The following SSBP3 variants were observed in gnomAD, a reference collection of about 807,000 sequenced individuals.
The protein encoded by SSBP3 is single stranded DNA binding protein 3, also known as single-stranded DNA-binding protein 3.
A neutral mutation model predicts 69.6 loss-of-function variants in SSBP3; 5 were observed. The observed-to-expected ratio is 0.07, with a 90% CI of 0.04 to 0.15. The LOEUF (loss-of-function observed/expected upper bound fraction) is 0.15, where lower values mean the gene tolerates loss of function less well. SSBP3 is among the 10% of genes least tolerant of loss of function. The pLI is 1.00. For missense variants in SSBP3, 312 were observed against 534.0 expected, an observed-to-expected ratio of 0.58 and a Z score of 4.10; for synonymous variants, 196 against 193.4, an observed-to-expected ratio of 1.01 and a Z score of -0.11.
chr1:54,308,417 T>G (rs1385166534), intron 4 of SSBP3, among the ~76,000 whole-genome samples: 1 of 151,696 alleles, frequency 6.6e-6, no homozygotes, highest in African/African-American at 2.4e-5. Flanking sequence ...CTGGCTAACA[T>G]GGTGAAACCC....
At chr1:54,286,780 C>T (rs1645497634) in intron 4 of SSBP3, 1 of 152,226 alleles carries the variant, frequency 6.6e-6, no homozygotes, top group Admixed American at 6.5e-5. Flanking sequence ...CCTTGGAAGC[C>T]AGGCTAAGGA....
At chr1:54,321,660 T>C (rs971555486) in intron 4 of SSBP3, among the ~76,000 whole-genome samples, 2 of 152,224 alleles carry the variant, frequency 1.3e-5, no homozygotes, top group African/African-American at 4.8e-5. Flanking sequence ...AAACGAAGAA[T>C]GCACGCACAG....
At chr1:54,318,012 C>T (rs1292215246) in intron 4 of SSBP3, among the ~76,000 whole-genome samples, 1 of 152,212 alleles carries the variant, frequency 6.6e-6, no homozygotes, top group Non-Finnish European at 1.5e-5. Context: ...AGGTGATCCA[C>T]CTGCTTTGGC....
rs187700070 is a variant in SSBP3, at chr1:54,297,428, G to A, written c.277-15901C>T. 2.6e-4 allele frequency among the ~76,000 whole-genome samples: 40 copies of A among 152,288 alleles called. 1 individual carries two copies. The East Asian group carries it at 6.8e-3, about 26-fold the overall frequency. ...GCGGATCACTTGAGGTCAGGAATTC[G>A]AGACCAGCCTGGCCAACATGGTGAA... On this transcript the variant is annotated intron_variant, in intron 4 of 17. Transcript: ENST00000610401.
exon 1 of SSBP3, chr1:54,406,386 CGCT>C (rs1421135678): frequency 2.1e-4 from 33 of 154,520 alleles, no homozygotes; most frequent in East Asian, 3.8e-4. Flanking sequence ...CCGCCGCCGC[CGCT>C]GGTCTACTTG....
Position 54,383,095 on chromosome 1 carries a change from T to A in SSBP3, c.276+18766A>T, listed in dbSNP as rs576234639. ...AGAAAGAAAAGAAAGAAGCCCCAGC[T>A]GGGCACAGTGGCTCATGCCTGTAAT... On this transcript the variant is annotated intron_variant, in intron 4 of 17. Coordinates refer to ENST00000610401, the Ensembl canonical transcript of SSBP3. Among the ~76,000 whole-genome samples, 12 of 150,204 alleles carry A rather than the reference T, an allele frequency of 8.0e-5. No homozygotes were observed. The East Asian group carries it at 1.4e-3, about 18-fold the overall frequency.
intron 9 of SSBP3, among the ~76,000 whole-genome samples, chr1:54,243,790 G>A (rs1037125308): frequency 2.0e-5 from 3 of 152,168 alleles, no homozygotes; most frequent in South Asian, 2.1e-4. Flanking sequence ...ATACAGACAC[G>A]CCAACCTGCC....
At chr1:54,298,503 G>A (rs918366469) in intron 4 of SSBP3, among the ~76,000 whole-genome samples, 7 of 152,164 alleles carry the variant, frequency 4.6e-5, no homozygotes, top group African/African-American at 1.7e-4. Flanking sequence ...TTATCAGTGT[G>A]CAGTGCCAGA....
intron 4 of SSBP3, chr1:54,286,316 A>G (rs1645489179): frequency 6.6e-6 from 1 of 152,210 alleles, no homozygotes; most frequent in Non-Finnish European, 1.5e-5. Flanking sequence ...AATAAAGCTA[A>G]TTTAAAATTC....
intron 13 of SSBP3, among the ~76,000 whole-genome samples, chr1:54,240,046 G>C (rs898025150): frequency 2.7e-5 from 1 of 36,874 alleles, no homozygotes; most frequent in African/African-American, 1.1e-4. Flanking sequence ...AATTGTGATG[G>C]GGTGTGTGTG....
intron 14 of SSBP3, among the ~76,000 whole-genome samples, chr1:54,233,334 C>T (rs1383694882): frequency 6.9e-6 from 1 of 145,554 alleles, no homozygotes; most frequent in Non-Finnish European, 1.5e-5. Flanking sequence ...AGGTGAGGAG[C>T]GTCTCTGCCC....
At chr1:54,411,174 C>T (rs1465324099), upstream of SSBP3, among the ~76,000 whole-genome samples, 1 of 152,126 alleles carries the variant, frequency 6.6e-6, no homozygotes, top group Non-Finnish European at 1.5e-5. Context: ...CTACCTATTT[C>T]CTTCATAAGA....
intron 7 of SSBP3, among the ~76,000 whole-genome samples, chr1:54,253,433 C>A (rs1353138148): frequency 6.6e-6 from 1 of 152,006 alleles, no homozygotes; most frequent in East Asian, 1.9e-4. Flanking sequence ...CTCAAGTGAT[C>A]CTCCTGCCTC....
chr1:54,307,227 C>T (rs1645917232), intron 4 of SSBP3, among the ~76,000 whole-genome samples: 1 of 152,034 alleles, frequency 6.6e-6, no homozygotes, highest in African/African-American at 2.4e-5. Context: ...TATGGTCACG[C>T]CCCCACTATG....
intron 4 of SSBP3, among the ~76,000 whole-genome samples, chr1:54,335,083 G>GAC (rs2100481818): frequency 6.6e-6 from 1 of 152,288 alleles, no homozygotes; most frequent in Non-Finnish European, 1.5e-5. Flanking sequence ...GAACTAAGGT[G>GAC]ACAGCCACAG....
intron 1 of SSBP3, among the ~76,000 whole-genome samples, 171 bp from the exon 2 acceptor site, chr1:54,405,101 T>C (rs973109572): frequency 7.2e-5 from 11 of 152,020 alleles, no homozygotes; most frequent in South Asian, 2.1e-4. Flanking sequence ...TGCGAACAGT[T>C]AGGGGGTGGG....
intron 4 of SSBP3, among the ~76,000 whole-genome samples, chr1:54,369,218 C>CGA (rs1553146699): frequency 4.8e-5 from 6 of 124,690 alleles, no homozygotes; most frequent in African/African-American, 1.7e-4. Context: ...CCTCTTGAGT[C>CGA]GGGGGGGGGG....
At chr1:54,325,551 C>T (rs748438550) in intron 4 of SSBP3, 1 of 166,196 alleles carries the variant, frequency 6.0e-6, no homozygotes, top group Non-Finnish European at 1.5e-5. Context: ...AGATGAAATA[C>T]TCCCTTATTT....
At chr1:54,227,654 AG>A (rs1644310661) in intron 17 of SSBP3, among the ~76,000 whole-genome samples, 1 of 152,100 alleles carries the variant, frequency 6.6e-6, no homozygotes. Context: ...CAAGGCTTAC[AG>A]CAGCCTCAAC....
Sources: allele counts gnomAD v4.1 joint callset (sites outside exome capture counted in the v4.1 genomes callset), GRCh38; gene constraint gnomAD v4.1.1; transcripts MANE v1.5; gene names NCBI Gene and HGNC (gene_info 2026-07-23, HGNC 2026-07-21).